Variants in NF1 observed in about 807,000 individuals in gnomAD.
NF1 encodes the protein neurofibromin.
In NF1, 122 loss-of-function variants were observed where a neutral mutation model predicts 325.7. The ratio of observed to expected loss-of-function variants is 0.37; its 90% CI spans 0.32 to 0.44. The LOEUF (loss-of-function observed/expected upper bound fraction) is 0.44. Among genes scored for constraint, NF1 ranks in the 20% least tolerant of loss-of-function variants. NF1 has a pLI of 1.00. For synonymous variants in NF1, 1,091 were observed against 1,186.0 expected (o/e 0.92, Z 1.65); for missense variants, 2,140 against 3,415.4 (o/e 0.63, Z 9.31).
intron 5 of NF1, among the ~76,000 whole-genome samples, chr17:31,180,087 C>T (rs2066099042): frequency 6.6e-6 from 1 of 152,134 alleles, no homozygotes; most frequent in Non-Finnish European, 1.5e-5. Flanking sequence ...ATAACAAGTT[C>T]TGAAATTGAG....
At chr17:31,228,855 A>G (rs1350909836) in intron 20 of NF1, among the ~76,000 whole-genome samples, 170 bp from the exon 21 acceptor site, 1 of 152,244 alleles carries the variant, frequency 6.6e-6, no homozygotes, top group Non-Finnish European at 1.5e-5. Flanking sequence ...TGATAAAAAT[A>G]GATCAGTGGC....
In NF1 at chr17:31,235,779, A is replaced by G. The variant is rs774649948; in HGVS notation, c.3870+7A>G. 1 of 1,614,074 alleles carries G rather than the reference A, an allele frequency of 6.2e-7. No homozygotes were observed. Among genetic ancestry groups the G allele is most frequent in the Non-Finnish European group, 8.5e-7 (1 of 1,179,988 alleles). On this transcript the variant is annotated splice_region_variant and intron_variant, in intron 28 of 57. Coordinates refer to ENST00000358273, the MANE Select transcript of NF1 (RefSeq NM_001042492.3). ...AATGACATTCTGTTTCAAGGTTTGTATCATTCATTTTGTGTGTATGTGTGT... is the reference window on the plus strand; with the variant it reads ...AATGACATTCTGTTTCAAGGTTTGTGTCATTCATTTTGTGTGTATGTGTGT...
In NF1 at chr17:31,322,334, A is replaced by C. The variant is rs147303260; in HGVS notation, c.4836-3486A>C. 4.6e-3 allele frequency among the ~76,000 whole-genome samples: 691 copies of C among 151,358 alleles called. 6 individuals are homozygous for C. The highest frequency in any genetic ancestry group is 0.016 in the African/African-American group (661 of 41,238). On this transcript the variant is annotated intron_variant, in intron 36 of 57. Transcript: ENST00000358273. ...GTCTCTACTAAAAATATAAAAATTAACCAGGCAGGGTAGCATGCACCTGTA... is the reference window on the plus strand; with the variant it reads ...GTCTCTACTAAAAATATAAAAATTACCCAGGCAGGGTAGCATGCACCTGTA...
At chr17:31,293,264 A>C (rs1318358834) in intron 36 of NF1, among the ~76,000 whole-genome samples, 1 of 151,048 alleles carries the variant, frequency 6.6e-6, no homozygotes, top group Non-Finnish European at 1.5e-5. Flanking sequence ...ATAAGACACA[A>C]GTATGTGGTA....
At chr17:31,116,596 A>G (rs12948444) in intron 1 of NF1, among the ~76,000 whole-genome samples, 82,217 of 151,988 alleles carry the variant, frequency 0.54, 25,969 homozygotes, top group Middle Eastern at 0.76. Flanking sequence ...CATCTTTGAA[A>G]TAGTTACTTT....
chr17:31,212,036 T>TA (rs1399586398), intron 12 of NF1, among the ~76,000 whole-genome samples: 1 of 152,206 alleles, frequency 6.6e-6, no homozygotes, highest in African/African-American at 2.4e-5. Context: ...TTAAATTTTT[T>TA]AATTTTTTGA....
chr17:31,360,896 A>G (rs1324888548), intron 57 of NF1, 193 bp downstream of exon 57: 3 of 615,848 alleles, frequency 4.9e-6, no homozygotes, highest in Middle Eastern at 4.3e-4. Context: ...CAAGTTGTAC[A>G]TAAGACAGTA....
At chr17:31,156,208 G>A (rs2065659574) in intron 2 of NF1, 82 bp downstream of exon 2, 1 of 1,499,238 alleles carries the variant, frequency 6.7e-7, no homozygotes, top group African/African-American at 1.4e-5. Context: ...ATATTTTGAA[G>A]TATGGAAAGT....
chr17:31,224,968 T>C, intron 16 of NF1, 127 bp from the exon 17 acceptor site: 1 of 913,840 alleles, frequency 1.1e-6, no homozygotes, highest in Non-Finnish European at 1.8e-6. Context: ...CTCCTTCAAG[T>C]TGGGGCATAG....
At chr17:31,142,625 TG>T (rs1436989886) in intron 1 of NF1, among the ~76,000 whole-genome samples, 3 of 152,176 alleles carry the variant, frequency 2.0e-5, no homozygotes, top group Non-Finnish European at 4.4e-5. Flanking sequence ...CCCAGCACTT[TG>T]GGAGGCCAAG....
chr17:31,350,340 TA>T, intron 50 of NF1, 22 bp downstream of exon 50: 1 of 1,602,110 alleles, frequency 6.2e-7, no homozygotes, highest in Non-Finnish European at 8.5e-7. Context: ...TACTCTCCTA[TA>T]ATTACATAAT....
chr17:31,213,536 T>A (rs2066766892), intron 12 of NF1, among the ~76,000 whole-genome samples: 2 of 152,212 alleles, frequency 1.3e-5, no homozygotes. Context: ...GTTATTTCTG[T>A]ATTATATATA....
rs992936612 is a variant in NF1, at chr17:31,322,452, A to G, written c.4836-3368A>G. On this transcript the variant is annotated intron_variant, in intron 36 of 57. Coordinates refer to ENST00000358273, the MANE Select transcript of NF1 (RefSeq NM_001042492.3). Reference sequence around the variant, plus strand: ...CATGAGATCTTGGCTGCATGAGCTAAGATCATGCCACTGCACTCCAGCCAG... The same window carrying G: ...CATGAGATCTTGGCTGCATGAGCTAGGATCATGCCACTGCACTCCAGCCAG... Among the ~76,000 whole-genome samples the G allele has an allele frequency of 2.8e-5, 4 of 144,294 alleles. No individual in the cohort carries two copies. In the Admixed American group the frequency reaches 2.9e-4, roughly 10 times the overall value. 94.7% of individuals were successfully genotyped at this position (144,294 alleles called of 152,430 possible).
At chr17:31,266,759 A>T (rs2067797364) in intron 36 of NF1, among the ~76,000 whole-genome samples, 1 of 151,630 alleles carries the variant, frequency 6.6e-6, no homozygotes, top group African/African-American at 2.4e-5. Context: ...GGAATCAGAA[A>T]CTGTTATATT....
In NF1 at chr17:31,181,707, T is replaced by C. The variant is rs746584147; in HGVS notation, c.655-3T>C. ...GTAAAGACATGTGGTTCTTTATTTA[T>C]AGGCATTTTGGAACTGGGTAGAAAA... On this transcript the variant is annotated splice_region_variant and splice_polypyrimidine_tract_variant and intron_variant, in intron 6 of 57. Coordinates refer to ENST00000358273, the MANE Select transcript of NF1 (RefSeq NM_001042492.3). 5.6e-6 allele frequency: 9 copies of C among 1,602,562 alleles called. No individual in the cohort carries two copies. The highest frequency in any genetic ancestry group is 5.5e-5 in the South Asian group (5 of 90,808).
rs916222752 is a variant in NF1 at position 31,108,274 on chromosome 17, T to G, written c.60+12905T>G. Among the ~76,000 whole-genome samples, 942 of 136,904 alleles carry G rather than the reference T, an allele frequency of 6.9e-3. 19 individuals are homozygous for G. The highest frequency in any genetic ancestry group is 0.026 in the African/African-American group (895 of 34,840). 89.8% of individuals were successfully genotyped at this position (136,904 alleles called of 152,430 possible). Reference sequence around the variant, plus strand: ...ATAAAAGTAGAGAGTTTTTTTTTTTTTTTTTTTTTTTTTTTTCTGAGACAG... The same window carrying G: ...ATAAAAGTAGAGAGTTTTTTTTTTTGTTTTTTTTTTTTTTTTCTGAGACAG... On this transcript the variant is annotated intron_variant, in intron 1 of 57. Transcript: ENST00000358273.
chr17:31,111,451 T>A (rs1430110150), intron 1 of NF1, among the ~76,000 whole-genome samples: 2 of 152,022 alleles, frequency 1.3e-5, no homozygotes, highest in Admixed American at 1.3e-4. Flanking sequence ...ACTTAGCATA[T>A]CTTAATGGAA....
At chr17:31,122,604 T>TAGTTG in intron 1 of NF1, among the ~76,000 whole-genome samples, 1 of 152,258 alleles carries the variant, frequency 6.6e-6, no homozygotes, top group Non-Finnish European at 1.5e-5. Context: ...TGCATCTGCT[T>TAGTTG]TGTCTTCTTT....
At chr17:31,358,371 C>A in intron 54 of NF1, 109 bp from the exon 55 acceptor site, 1 of 1,175,860 alleles carries the variant, frequency 8.5e-7, no homozygotes, top group Non-Finnish European at 1.2e-6. Context: ...ACTCATCTCC[C>A]TTTAATTTTG....
Sources: gnomAD v4.1 joint callset for allele counts (sites outside exome capture counted in the v4.1 genomes callset) on GRCh38, gnomAD v4.1.1 for gene constraint, MANE v1.5 for transcripts, NCBI Gene and HGNC (gene_info 2026-07-23, HGNC 2026-07-21) for gene names.